Variants in PCDH11X observed in about 807,000 individuals in gnomAD.
The protein encoded by PCDH11X is protocadherin-11 X-linked.
In PCDH11X, 18 loss-of-function variants were observed where a neutral mutation model predicts 53.3. That is an observed-to-expected ratio of 0.34 (90% confidence interval 0.23 to 0.50). The LOEUF is 0.50. Among genes scored for constraint, PCDH11X ranks in the 20% least tolerant of loss-of-function variants. The probability of loss-of-function intolerance (pLI) is 0.98; values close to 1 mark genes in which losing one functional copy is unlikely to be tolerated. For synonymous variants in PCDH11X, 279 were observed against 393.3 expected, an observed-to-expected ratio of 0.71 and a Z score of 3.44; for missense variants, 570 against 1,032.4, an observed-to-expected ratio of 0.55 and a Z score of 6.14.
chrX:92,587,295 A>G (rs952084865), intron 10 of PCDH11X, among the ~76,000 whole-genome samples: 1 of 111,318 alleles, frequency 9.0e-6, no homozygotes, highest in Non-Finnish European at 1.9e-5. Flanking sequence ...TCGGCATGAC[A>G]TTAAGAAAAA....
chrX:92,154,202 C>G (rs2065487755), intron 6 of PCDH11X, among the ~76,000 whole-genome samples: 1 of 111,286 alleles, frequency 9.0e-6, no homozygotes, highest in Non-Finnish European at 1.9e-5. Flanking sequence ...TCTCAGATTT[C>G]ATTCCGTTAT....
At chrX:91,983,564 CG>C in intron 6 of PCDH11X, 1 of 454,980 alleles carries the variant, frequency 2.2e-6, no homozygotes, top group Non-Finnish European at 4.0e-6. Context: ...GGCTGCCGTG[CG>C]GAGGCAGAGA....
chrX:91,919,311 G>C (rs1205916781), intron 6 of PCDH11X, among the ~76,000 whole-genome samples: 1 of 111,666 alleles, frequency 9.0e-6, no homozygotes, highest in Non-Finnish European at 1.9e-5. Flanking sequence ...GTGTCACACA[G>C]AGTCTATAAA....
chrX:91,902,358 A>G (rs1227237636), intron 6 of PCDH11X, among the ~76,000 whole-genome samples: 1 of 110,096 alleles, frequency 9.1e-6, no homozygotes, highest in Non-Finnish European at 1.9e-5. Flanking sequence ...TTTCTGCTCT[A>G]TTTGACATTT....
chrX:92,570,429 C>T (rs906465321), intron 10 of PCDH11X, among the ~76,000 whole-genome samples: 20 of 111,240 alleles, frequency 1.8e-4, no homozygotes, highest in African/African-American at 6.5e-4. Context: ...AGTTTGTAAC[C>T]CCCTGTGAAT....
At chrX:92,388,154 C>T (rs2754888) in intron 9 of PCDH11X, among the ~76,000 whole-genome samples, 15 of 111,030 alleles carry the variant, frequency 1.4e-4, no homozygotes, top group Non-Finnish European at 2.3e-4. Context: ...TTTATTATAG[C>T]GACTTTGTTA....
chrX:92,188,299 A>C (rs922841546), intron 6 of PCDH11X, among the ~76,000 whole-genome samples: 3 of 111,666 alleles, frequency 2.7e-5, no homozygotes, highest in African/African-American at 9.8e-5. Context: ...TTAGGTCTCC[A>C]CAAGTGCAAA....
chrX:92,218,922 A>G (rs1459245593), intron 7 of PCDH11X, among the ~76,000 whole-genome samples: 1 of 111,833 alleles, frequency 8.9e-6, no homozygotes, highest in East Asian at 2.8e-4. Context: ...AATCCAGCAT[A>G]TAAACAGAAC....
At chrX:92,330,787 C>A (rs2069445747) in intron 8 of PCDH11X, among the ~76,000 whole-genome samples, 1 of 107,559 alleles carries the variant, frequency 9.3e-6, no homozygotes, top group Non-Finnish European at 1.9e-5. Context: ...ATATAATTAT[C>A]CTGAGTGAAT....
intron 8 of PCDH11X, among the ~76,000 whole-genome samples, chrX:92,265,956 A>G (rs2067821041): frequency 8.9e-6 from 1 of 112,282 alleles, no homozygotes; most frequent in Non-Finnish European, 1.9e-5. Context: ...TCTGTCAACT[A>G]CAATAATGCT....
chrX:92,304,375 A>T (rs1398286512), intron 8 of PCDH11X, among the ~76,000 whole-genome samples: 1 of 111,639 alleles, frequency 9.0e-6, no homozygotes, highest in East Asian at 2.8e-4. Flanking sequence ...ACCAGAACTT[A>T]TAAAATTGAC....
chrX:92,058,888 G>C (rs896037075), intron 6 of PCDH11X, among the ~76,000 whole-genome samples: 8 of 106,306 alleles, frequency 7.5e-5, no homozygotes, highest in Non-Finnish European at 1.2e-4. Flanking sequence ...TTGATATTGT[G>C]GTTCAAGGTG....
At chrX:91,842,509 C>T (rs1044731547) in intron 5 of PCDH11X, among the ~76,000 whole-genome samples, 2 of 106,112 alleles carry the variant, frequency 1.9e-5, no homozygotes, top group African/African-American at 3.8e-5. Context: ...AAATAGAATA[C>T]ATGTGGACAC....
intron 10 of PCDH11X, among the ~76,000 whole-genome samples, chrX:92,567,432 C>G (rs1921613370): frequency 1.1e-5 from 1 of 95,015 alleles, no homozygotes; most frequent in Non-Finnish European, 2.1e-5. Flanking sequence ...CTTTGCTTGC[C>G]TGTTGTTGGT....
chrX:91,872,522 A>G (rs1939380741), intron 5 of PCDH11X, among the ~76,000 whole-genome samples: 1 of 111,020 alleles, frequency 9.0e-6, no homozygotes, highest in South Asian at 3.8e-4. Flanking sequence ...TTTAGAGATT[A>G]TACATTTAAA....
intron 6 of PCDH11X, among the ~76,000 whole-genome samples, chrX:91,941,675 A>T (rs2147856423): frequency 9.2e-6 from 1 of 108,855 alleles, no homozygotes; most frequent in Non-Finnish European, 1.9e-5. Context: ...AGAGGACATA[A>T]TAGACTGGAT....
At chrX:91,935,348 T>A (rs2061433046) in intron 6 of PCDH11X, among the ~76,000 whole-genome samples, 1 of 106,879 alleles carries the variant, frequency 9.4e-6, no homozygotes, top group Admixed American at 1.0e-4. Flanking sequence ...AATTATTTTC[T>A]TATAATTTGT....
At chrX:91,793,892 G>A (rs1412374908) in intron 1 of PCDH11X, among the ~76,000 whole-genome samples, 1 of 111,722 alleles carries the variant, frequency 9.0e-6, no homozygotes, top group Admixed American at 9.5e-5. Flanking sequence ...AGTTAACCAT[G>A]TGGGGTGAAT....
intron 6 of PCDH11X, among the ~76,000 whole-genome samples, chrX:92,080,507 G>A (rs2063840158): frequency 9.0e-6 from 1 of 111,322 alleles, no homozygotes; most frequent in Non-Finnish European, 1.9e-5. Flanking sequence ...AGATCATGGG[G>A]TAAAAAAGGC....
Sources: gnomAD v4.1 joint callset for allele counts (sites outside exome capture counted in the v4.1 genomes callset) on GRCh38, gnomAD v4.1.1 for gene constraint, MANE v1.5 for transcripts, NCBI Gene and HGNC (gene_info 2026-07-23, HGNC 2026-07-21) for gene names.